HPSE2: variants seen among roughly 807,000 people sequenced by gnomAD.
The protein encoded by HPSE2 is inactive heparanase-2.
In HPSE2, 38 loss-of-function variants were observed where a neutral mutation model predicts 60.5. The ratio of observed to expected loss-of-function variants is 0.63; its 90% CI spans 0.48 to 0.82. The LOEUF (loss-of-function observed/expected upper bound fraction) is 0.82. Among genes scored for constraint, HPSE2 ranks in the 40% least tolerant of loss-of-function variants. The probability of loss-of-function intolerance (pLI) is 0.00; values close to 1 mark genes in which losing one functional copy is unlikely to be tolerated. For synonymous variants in HPSE2, 295 were observed against 293.2 expected (o/e 1.01, Z -0.06); for missense variants, 713 against 740.4 (o/e 0.96, Z 0.43).
intron 3 of HPSE2, among the ~76,000 whole-genome samples, chr10:98,891,155 T>C (rs917835348): frequency 6.6e-6 from 1 of 151,784 alleles, no homozygotes; most frequent in African/African-American, 2.4e-5. Flanking sequence ...CTCAGAATTT[T>C]CCCCAAAATG....
rs185186190 is a variant in HPSE2, at chr10:98,579,112, C to T, written c.1320+35792G>A. 2.6e-3 allele frequency among the ~76,000 whole-genome samples: 400 copies of T among 152,050 alleles called. 3 individuals are homozygous for T. Among genetic ancestry groups the T allele is most frequent in the African/African-American group, 9.0e-3 (375 of 41,464 alleles). On this transcript the variant is annotated intron_variant, in intron 9 of 11. Transcript: ENST00000370552. ...CAGCTGCAAAAAATTGGATGGAGAA[C>T]GAAGAATGGCAAGACCCGGAGAATG...
At chr10:99,239,629 C>G (rs973290407), upstream of HPSE2, among the ~76,000 whole-genome samples, 1 of 151,494 alleles carries the variant, frequency 6.6e-6, no homozygotes, top group Non-Finnish European at 1.5e-5. Flanking sequence ...GGGGCTTCAC[C>G]GTGTTGCCTA....
chr10:99,184,158 A>T (rs537102515), intron 2 of HPSE2, among the ~76,000 whole-genome samples: 4 of 152,344 alleles, frequency 2.6e-5, no homozygotes, highest in Non-Finnish European at 5.9e-5. Flanking sequence ...AATATGATCC[A>T]TAAAGAGGAG....
chr10:99,009,947 C>T (rs1194166623), intron 3 of HPSE2, among the ~76,000 whole-genome samples: 3 of 152,192 alleles, frequency 2.0e-5, no homozygotes, highest in Admixed American at 1.3e-4. Flanking sequence ...AAACTTGTCA[C>T]TTGGTTCTTA....
chr10:98,892,844 T>C (rs1018184807), intron 3 of HPSE2, among the ~76,000 whole-genome samples: 1 of 152,144 alleles, frequency 6.6e-6, no homozygotes. Context: ...TGTGGTTTTT[T>C]TCTTGTTTTT....
At chr10:98,842,041 C>T (rs1311205994) in intron 3 of HPSE2, among the ~76,000 whole-genome samples, 1 of 152,106 alleles carries the variant, frequency 6.6e-6, no homozygotes, top group African/African-American at 2.4e-5. Context: ...CTCCTGACCT[C>T]GTGATCCGCC....
At chr10:99,057,566 G>A (rs146987634) in intron 3 of HPSE2, among the ~76,000 whole-genome samples, 50 of 152,190 alleles carry the variant, frequency 3.3e-4, no homozygotes, top group African/African-American at 1.2e-3. Context: ...ATCAAAAAAT[G>A]CCTATAAGCT....
At chr10:98,644,713 C>T (rs1946722127) in intron 6 of HPSE2, among the ~76,000 whole-genome samples, 1 of 152,172 alleles carries the variant, frequency 6.6e-6, no homozygotes, top group Admixed American at 6.5e-5. Flanking sequence ...AAATCTGATC[C>T]CTGTTACTTC....
At chr10:98,475,148 C>T (rs559171182) in intron 11 of HPSE2, among the ~76,000 whole-genome samples, 3 of 146,926 alleles carry the variant, frequency 2.0e-5, no homozygotes, top group East Asian at 2.0e-4. Flanking sequence ...GACGGAGTCT[C>T]GCTCTGTCGC....
Position 98,595,164 on chromosome 10 carries a change from ATTT to A in HPSE2, c.1320+19737_1320+19739del, listed in dbSNP as rs34509249. Among the ~76,000 whole-genome samples, 310 of 91,700 alleles carry A rather than the reference ATTT, an allele frequency of 3.4e-3. 1 individual carries two copies. In the East Asian group the frequency reaches 0.039, roughly 12 times the overall value. The allele number at this position is 91,700 out of a possible 152,430, so 60.2% of individuals were successfully genotyped here. On this transcript the variant is annotated intron_variant, in intron 9 of 11. Transcript: ENST00000370552. ...TATTTCTGTAGCTATTATAAATGAG[ATTT>A]TTTTTTTTTTTTTTTTTTTTGAGAC...
intron 3 of HPSE2, among the ~76,000 whole-genome samples, chr10:98,837,043 T>C (rs1277521705): frequency 6.6e-6 from 1 of 152,054 alleles, no homozygotes; most frequent in African/African-American, 2.4e-5. Context: ...AGACTCTGTC[T>C]CAAAAACAAA....
At chr10:98,542,978 T>C (rs1226284560) in intron 9 of HPSE2, among the ~76,000 whole-genome samples, 4 of 151,586 alleles carry the variant, frequency 2.6e-5, no homozygotes, top group African/African-American at 9.7e-5. Flanking sequence ...ATACAGAGAA[T>C]GCCACAAAGA....
At chr10:98,940,546 C>T (rs2135149409) in intron 3 of HPSE2, among the ~76,000 whole-genome samples, 1 of 143,592 alleles carries the variant, frequency 7.0e-6, no homozygotes, top group Non-Finnish European at 1.5e-5. Flanking sequence ...GAAGTTGAAT[C>T]TCTGAATAGA....
At chr10:98,729,351 TG>T (rs1422308699) in intron 4 of HPSE2, among the ~76,000 whole-genome samples, 4 of 152,206 alleles carry the variant, frequency 2.6e-5, no homozygotes, top group African/African-American at 9.6e-5. Context: ...GGCTCACACC[TG>T]TAATCTCAGC....
intron 6 of HPSE2, among the ~76,000 whole-genome samples, chr10:98,681,596 T>C (rs1204675860): frequency 6.6e-6 from 1 of 152,206 alleles, no homozygotes; most frequent in African/African-American, 2.4e-5. Context: ...TTATAGTATA[T>C]GAGAACAGCT....
chr10:99,072,184 A>G (rs938887282), intron 3 of HPSE2, among the ~76,000 whole-genome samples: 10 of 152,186 alleles, frequency 6.6e-5, no homozygotes, highest in African/African-American at 2.4e-4. Flanking sequence ...TGGACATTTT[A>G]ATAACATGAA....
chr10:98,599,670 G>A, intron 9 of HPSE2, among the ~76,000 whole-genome samples: 1 of 152,198 alleles, frequency 6.6e-6, no homozygotes. Flanking sequence ...ATGCTATGCT[G>A]CCTAGGGTTG....
intron 3 of HPSE2, among the ~76,000 whole-genome samples, chr10:99,044,314 A>G (rs1578636): frequency 0.76 from 115,301 of 152,138 alleles, 46,452 homozygotes; most frequent in South Asian, 0.92. Context: ...ACTGAGAGAA[A>G]TCATTTCAAT....
At chr10:98,630,385 G>T (rs902230170) in intron 7 of HPSE2, among the ~76,000 whole-genome samples, 1 of 152,014 alleles carries the variant, frequency 6.6e-6, no homozygotes, top group Non-Finnish European at 1.5e-5. Flanking sequence ...TTTTAGTAGA[G>T]ACGGTGTTTC....
Sources: allele counts gnomAD v4.1 joint callset (sites outside exome capture counted in the v4.1 genomes callset), GRCh38; gene constraint gnomAD v4.1.1; transcripts MANE v1.5; gene names NCBI Gene and HGNC (gene_info 2026-07-23, HGNC 2026-07-21).